Variants in FRMPD4 observed in about 807,000 individuals in gnomAD.
FRMPD4 encodes the protein FERM and PDZ domain containing 4.
A neutral mutation model predicts 94.1 loss-of-function variants in FRMPD4; 22 were observed. The observed-to-expected ratio is 0.23, with a 90% CI of 0.17 to 0.33. The LOEUF is 0.33. Ranked by LOEUF, FRMPD4 falls within the 10% of genes least tolerant of loss-of-function variation. The pLI, the probability that FRMPD4 is intolerant of heterozygous loss-of-function variation, is 1.00. For synonymous variants in FRMPD4, 631 were observed against 548.6 expected (o/e 1.15, Z -2.10); for missense variants, 1,111 against 1,339.9 (o/e 0.83, Z 2.67).
intron 1 of FRMPD4, among the ~76,000 whole-genome samples, chrX:12,263,138 G>A (rs992968296): frequency 8.9e-6 from 1 of 111,877 alleles, no homozygotes; most frequent in Non-Finnish European, 1.9e-5. Flanking sequence ...CAACCTAAGG[G>A]AGAAAGGATG....
At chrX:12,095,040 T>C (rs1189249731) in intron 3 of FRMPD4, among the ~76,000 whole-genome samples, 1 of 111,591 alleles carries the variant, frequency 9.0e-6, no homozygotes, top group Non-Finnish European at 1.9e-5. Context: ...GCTCACTGTC[T>C]ATATTTTCAT....
At chrX:12,579,526 G>T (rs757821482) in intron 2 of FRMPD4, among the ~76,000 whole-genome samples, 1 of 112,157 alleles carries the variant, frequency 8.9e-6, no homozygotes, top group Non-Finnish European at 1.9e-5. Context: ...TGGAGCCCAC[G>T]TGCAGGGATC....
intron 3 of FRMPD4, among the ~76,000 whole-genome samples, chrX:11,956,281 G>C (rs962217594): frequency 1.8e-5 from 2 of 111,620 alleles, no homozygotes; most frequent in Admixed American, 9.6e-5. Flanking sequence ...CTTCTTATTA[G>C]TGCTCCATTT....
intron 1 of FRMPD4, among the ~76,000 whole-genome samples, chrX:12,431,357 T>A (rs760011201): frequency 1.8e-5 from 2 of 112,341 alleles, no homozygotes; most frequent in Non-Finnish European, 3.8e-5. Flanking sequence ...CTTCTCACCA[T>A]ATTTTTGAAT....
At chrX:12,215,318 C>T (rs1233010962) in intron 1 of FRMPD4, among the ~76,000 whole-genome samples, 4 of 111,332 alleles carry the variant, frequency 3.6e-5, no homozygotes. Context: ...GCCATCTTTC[C>T]ATCCTGGTTG....
intron 4 of FRMPD4, among the ~76,000 whole-genome samples, chrX:12,641,924 G>A (rs1182879046): frequency 1.8e-5 from 2 of 112,116 alleles, no homozygotes; most frequent in Non-Finnish European, 3.8e-5. Flanking sequence ...CTGTATCTAT[G>A]CAGAGGAGAA....
chrX:12,000,137 T>C (rs1209248613), intron 3 of FRMPD4, among the ~76,000 whole-genome samples: 1 of 112,078 alleles, frequency 8.9e-6, no homozygotes, highest in African/African-American at 3.2e-5. Flanking sequence ...AAACCCACTT[T>C]ATTGTATTTT....
At chrX:11,916,816 C>T (rs2054027253) in intron 3 of FRMPD4, among the ~76,000 whole-genome samples, 1 of 111,659 alleles carries the variant, frequency 9.0e-6, no homozygotes, top group African/African-American at 3.3e-5. Flanking sequence ...CTGTCATGTG[C>T]CTTTTTGTGG....
chrX:12,299,503 A>G (rs1228402456), intron 1 of FRMPD4, among the ~76,000 whole-genome samples: 1 of 110,470 alleles, frequency 9.1e-6, no homozygotes, highest in East Asian at 2.8e-4. Context: ...CAAGACAAAA[A>G]TACTCCCAAA....
chrX:12,662,999 T>C (rs2059733891), intron 4 of FRMPD4, among the ~76,000 whole-genome samples: 1 of 112,747 alleles, frequency 8.9e-6, no homozygotes, highest in Non-Finnish European at 1.9e-5. Flanking sequence ...ATAAATGTCT[T>C]CTTTTGAGAA....
At chrX:11,846,415 T>C (rs1194855829) in intron 1 of FRMPD4, among the ~76,000 whole-genome samples, 1 of 111,152 alleles carries the variant, frequency 9.0e-6, no homozygotes, top group Non-Finnish European at 1.9e-5. Flanking sequence ...TCCATGCCCA[T>C]GGGTAGGAAG....
chrX:12,156,273 G>A (rs1011648808), intron 1 of FRMPD4, among the ~76,000 whole-genome samples: 2 of 111,449 alleles, frequency 1.8e-5, no homozygotes, highest in African/African-American at 6.5e-5. Flanking sequence ...TATTTCTAGT[G>A]TGAGAGAGGG....
chrX:12,351,527 CA>C, intron 1 of FRMPD4, among the ~76,000 whole-genome samples: 1 of 112,258 alleles, frequency 8.9e-6, no homozygotes, highest in Middle Eastern at 4.6e-3. Context: ...GTGTAACACA[CA>C]GAAAAATGGG....
chrX:11,881,932 T>C (rs1423811133), intron 3 of FRMPD4, among the ~76,000 whole-genome samples: 1 of 111,681 alleles, frequency 9.0e-6, no homozygotes, highest in Non-Finnish European at 1.9e-5. Context: ...ACCAACCAGC[T>C]TGACATGCCA....
intron 3 of FRMPD4, among the ~76,000 whole-genome samples, chrX:11,983,822 C>T (rs190768203): frequency 1.3e-3 from 145 of 111,282 alleles, no homozygotes; most frequent in African/African-American, 4.5e-3. Context: ...CTTAACATAA[C>T]CTATATAGAG....
At chrX:12,091,124 G>A (rs1026571655) in intron 3 of FRMPD4, among the ~76,000 whole-genome samples, 26 of 111,956 alleles carry the variant, frequency 2.3e-4, no homozygotes, top group Non-Finnish European at 3.8e-5. Context: ...GTCTTTATTC[G>A]TTTAATCCTC....
chrX:12,715,654 G>A (rs2042064783), intron 14 of FRMPD4, among the ~76,000 whole-genome samples: 1 of 111,996 alleles, frequency 8.9e-6, no homozygotes, highest in African/African-American at 3.2e-5. Flanking sequence ...CACCTTACAA[G>A]GAAAAGAACA....
At chrX:12,345,397 C>T (rs760119882) in intron 1 of FRMPD4, among the ~76,000 whole-genome samples, 8 of 111,627 alleles carry the variant, frequency 7.2e-5, no homozygotes, top group Non-Finnish European at 1.3e-4. Flanking sequence ...TAAGAAGACA[C>T]TTCCTTTTCT....
chrX:12,186,426 T>C (rs1041013258), intron 1 of FRMPD4, among the ~76,000 whole-genome samples: 2 of 111,840 alleles, frequency 1.8e-5, no homozygotes, highest in African/African-American at 6.5e-5. Flanking sequence ...TATTTAATTG[T>C]TTTTAATGGA....
Sources: allele counts gnomAD v4.1 joint callset (sites outside exome capture counted in the v4.1 genomes callset), GRCh38; gene constraint gnomAD v4.1.1; transcripts MANE v1.5; gene names NCBI Gene and HGNC (gene_info 2026-07-23, HGNC 2026-07-21).